MARCHF1: variants seen among roughly 807,000 people sequenced by gnomAD.
MARCHF1 encodes the protein membrane associated ring-CH-type finger 1.
In MARCHF1, 40 loss-of-function variants were observed where a neutral mutation model predicts 54.2. The observed-to-expected ratio is 0.74, with a 90% CI of 0.57 to 0.96. The LOEUF (loss-of-function observed/expected upper bound fraction) is 0.96. MARCHF1 is among the 40% of genes least tolerant of loss of function. The pLI is 0.00. For synonymous variants in MARCHF1, 236 were observed against 236.3 expected (o/e 1.00, Z 0.01); for missense variants, 586 against 656.5 (o/e 0.89, Z 1.17).
At chr4:163,844,166 C>T (rs1408217660) in intron 4 of MARCHF1, among the ~76,000 whole-genome samples, 8 of 152,016 alleles carry the variant, frequency 5.3e-5, no homozygotes, top group African/African-American at 1.4e-4. Flanking sequence ...ATGTGTTCCC[C>T]GTTATACGTC....
intron 3 of MARCHF1, chr4:163,932,775 G>T: frequency 1.7e-6 from 1 of 579,844 alleles, no homozygotes; most frequent in Admixed American, 2.0e-5. Context: ...GGAGAAAGTG[G>T]AGTCTGAGCT....
chr4:163,745,479 A>G (rs1201562038), intron 4 of MARCHF1, among the ~76,000 whole-genome samples: 1 of 152,140 alleles, frequency 6.6e-6, no homozygotes, highest in Non-Finnish European at 1.5e-5. Context: ...CAAATACACA[A>G]GGGAAGAGCT....
intron 1 of MARCHF1, among the ~76,000 whole-genome samples, chr4:164,293,494 C>T (rs142700269): frequency 6.6e-5 from 10 of 152,190 alleles, no homozygotes; most frequent in Non-Finnish European, 1.2e-4. Flanking sequence ...GCTCTCCTGG[C>T]TCGGAGTACA....
intron 1 of MARCHF1, chr4:164,330,111 A>G (rs1205606188): frequency 6.6e-6 from 1 of 152,114 alleles, no homozygotes; most frequent in Non-Finnish European, 1.5e-5. Context: ...GTCCATGCCA[A>G]GGGCATTCTC....
intron 1 of MARCHF1, among the ~76,000 whole-genome samples, chr4:164,321,801 A>G (rs1350722262): frequency 6.6e-6 from 1 of 152,136 alleles, no homozygotes; most frequent in African/African-American, 2.4e-5. Flanking sequence ...AATGGCAATC[A>G]ATGGCTCTTG....
intron 4 of MARCHF1, among the ~76,000 whole-genome samples, chr4:163,796,707 G>T (rs996764963): frequency 5.3e-5 from 8 of 151,668 alleles, no homozygotes; most frequent in African/African-American, 1.9e-4. Context: ...ATTTTGAATT[G>T]TTCTTTCCCC....
chr4:164,012,157 G>A (rs1331461483), intron 2 of MARCHF1, among the ~76,000 whole-genome samples: 1 of 152,196 alleles, frequency 6.6e-6, no homozygotes, highest in African/African-American at 2.4e-5. Flanking sequence ...AAGGATCACA[G>A]TCCTAGGGCA....
At chr4:164,211,060 G>T (rs1323529301) in intron 1 of MARCHF1, among the ~76,000 whole-genome samples, 1 of 151,934 alleles carries the variant, frequency 6.6e-6, no homozygotes, top group Non-Finnish European at 1.5e-5. Context: ...AGGAACATGG[G>T]GAGTATGGGG....
At chr4:163,820,226 C>A (rs1009873349) in intron 4 of MARCHF1, among the ~76,000 whole-genome samples, 1 of 152,010 alleles carries the variant, frequency 6.6e-6, no homozygotes, top group African/African-American at 2.4e-5. Flanking sequence ...ATTTTTTACT[C>A]TTCTTACCTG....
At chr4:164,112,791 C>CAAGAAA (rs1330564619) in intron 1 of MARCHF1, among the ~76,000 whole-genome samples, 1 of 151,734 alleles carries the variant, frequency 6.6e-6, no homozygotes, top group Non-Finnish European at 1.5e-5. Flanking sequence ...AATATTTCTA[C>CAAGAAA]AAGAAAAGAA....
At chr4:163,672,865 A>T (rs1454185214) in intron 5 of MARCHF1, among the ~76,000 whole-genome samples, 2 of 151,944 alleles carry the variant, frequency 1.3e-5, no homozygotes, top group Non-Finnish European at 2.9e-5. Context: ...TCCTCTTCAA[A>T]CTGCATCACT....
intron 1 of MARCHF1, among the ~76,000 whole-genome samples, chr4:164,132,058 A>G (rs572610352): frequency 1.3e-5 from 2 of 152,298 alleles, no homozygotes; most frequent in Non-Finnish European, 2.9e-5. Context: ...GGAACAACAT[A>G]AAGCAAAATA....
At chr4:164,089,918 C>G (rs1311286877) in intron 2 of MARCHF1, among the ~76,000 whole-genome samples, 1 of 151,428 alleles carries the variant, frequency 6.6e-6, no homozygotes, top group Non-Finnish European at 1.5e-5. Flanking sequence ...TTCTTTCTGC[C>G]TCCTTGAGCA....
intron 5 of MARCHF1, among the ~76,000 whole-genome samples, chr4:163,683,312 T>G (rs186291450): frequency 2.0e-3 from 302 of 152,250 alleles, no homozygotes; most frequent in Middle Eastern, 6.8e-3. Flanking sequence ...GGAAACTGCC[T>G]CTTATAAAAC....
chr4:163,826,081 T>C (rs913873708), intron 4 of MARCHF1, among the ~76,000 whole-genome samples: 1 of 152,064 alleles, frequency 6.6e-6, no homozygotes, highest in Non-Finnish European at 1.5e-5. Flanking sequence ...CCTCGAATAC[T>C]GATAAACTCA....
In MARCHF1 at chr4:163,967,569, A is replaced by T. The variant is rs142693115; in HGVS notation, c.-39+20932T>A. On this transcript the variant is annotated intron_variant, in intron 3 of 9. Coordinates refer to ENST00000514618, the MANE Select transcript of MARCHF1 (RefSeq NM_001394959.1). ...CCAGCCAGTTTCTCGGGTTCCCTTT[A>T]CTTCTATTAGTACAACATGGAGGAT... is the stretch of plus-strand genomic sequence containing the variant. 3.9e-5 allele frequency among the ~76,000 whole-genome samples: 6 copies of T among 152,146 alleles called. No individual in the cohort carries two copies. The East Asian group carries it at 1.2e-3, about 29-fold the overall frequency.
chr4:164,162,263 C>T (rs1290044435), intron 1 of MARCHF1, among the ~76,000 whole-genome samples: 1 of 151,272 alleles, frequency 6.6e-6, no homozygotes, highest in Non-Finnish European at 1.5e-5. Flanking sequence ...CCAATCATTA[C>T]AACTATAGAA....
chr4:164,022,906 G>C (rs1753694417), intron 2 of MARCHF1, among the ~76,000 whole-genome samples: 1 of 152,208 alleles, frequency 6.6e-6, no homozygotes, highest in Non-Finnish European at 1.5e-5. Context: ...TGCCTAGCCT[G>C]GGTATTTTGC....
chr4:164,239,502 G>C (rs1287318852), intron 1 of MARCHF1, among the ~76,000 whole-genome samples: 1 of 152,028 alleles, frequency 6.6e-6, no homozygotes, highest in African/African-American at 2.4e-5. Flanking sequence ...CATGTGGTTT[G>C]ACATGATTAT....
Sources: gnomAD v4.1 joint callset for allele counts (sites outside exome capture counted in the v4.1 genomes callset) on GRCh38, gnomAD v4.1.1 for gene constraint, MANE v1.5 for transcripts, NCBI Gene and HGNC (gene_info 2026-07-23, HGNC 2026-07-21) for gene names.